Variants in THSD1 observed in about 807,000 individuals in gnomAD.
The protein encoded by THSD1 is thrombospondin type-1 domain-containing protein 1.
THSD1 carries 34 observed loss-of-function variants against 46.3 expected under a neutral mutation model. The ratio of observed to expected loss-of-function variants is 0.74; its 90% CI spans 0.56 to 0.98. THSD1 has a LOEUF of 0.98. THSD1 is among the 50% of genes least tolerant of loss of function. The probability of loss-of-function intolerance (pLI) is 0.00; values close to 1 mark genes in which losing one functional copy is unlikely to be tolerated. For synonymous variants in THSD1, 407 were observed against 416.5 expected, an observed-to-expected ratio of 0.98 and a Z score of 0.28; for missense variants, 1,023 against 1,058.3, an observed-to-expected ratio of 0.97 and a Z score of 0.46.
chr13:52,397,616 C>T lies in THSD1; in HGVS notation c.637G>A (p.Ala213Thr). The change falls in exon 3 of 5, where the codon GCC (alanine) becomes ACC (threonine). Residue 213 changes from alanine (A) to threonine (T), a missense_variant. Ala to Thr is a moderately conservative substitution (Grantham distance 58). Transcript: ENST00000258613. ...AGCTTCAGCACCACGGTGACATAGG[C>T]TTCTGGCCCCAAGGGTGCACAGCCA... Reference protein sequence around the residue: ...EFGCAPLGPEAYVTVVLKLLG... With the variant: ...EFGCAPLGPETYVTVVLKLLG... 6.2e-7 allele frequency: 1 copy of T among 1,614,166 alleles called. No individual in the cohort carries two copies. Among genetic ancestry groups the T allele is most frequent in the Non-Finnish European group, 8.5e-7 (1 of 1,180,000 alleles).
intron 2 of THSD1, among the ~76,000 whole-genome samples, chr13:52,400,617 AAC>A (rs571991890): frequency 7.0e-4 from 107 of 152,180 alleles, no homozygotes; most frequent in African/African-American, 2.5e-3. Context: ...CAAACAAACA[AAC>A]AAACAAAAAA....
rs1477503088 is a variant in THSD1, at chr13:52,378,148, C to A, written c.1822G>T (p.Asp608Tyr). The A allele has an allele frequency of 3.7e-6, 6 of 1,614,170 alleles. No individual in the cohort carries two copies. The highest frequency in any genetic ancestry group is 1.6e-4 in the Middle Eastern group (1 of 6,062). Reference sequence around the variant, plus strand: ...CAACTGGCCTGAGTCACATTTAGATCCAGCCTGGAGGGAGGCCTTTCCCCG... The same window carrying A: ...CAACTGGCCTGAGTCACATTTAGATACAGCCTGGAGGGAGGCCTTTCCCCG... ...SAGERPPSRLDLNVTQASCAI... is the reference protein window; with the variant it reads ...SAGERPPSRLYLNVTQASCAI... Residue 608 changes from aspartate (D) to tyrosine (Y), a missense_variant, in exon 5 of 5, where the codon GAT (aspartate) becomes TAT (tyrosine). Physicochemically the swap from Asp to Tyr is radical, Grantham distance 160 (BLOSUM62 -3). Around this residue, in one of 3 missense-constraint regions of THSD1, gnomAD observed 578 missense variants for 497.4 expected, o/e 1.16. Coordinates refer to ENST00000258613, the MANE Select transcript of THSD1 (RefSeq NM_018676.4).
At position 52,378,310 on chromosome 13, in the gene THSD1, C is replaced by G; in HGVS notation, c.1660G>C (p.Val554Leu). The G allele has an allele frequency of 1.9e-6, 3 of 1,614,216 alleles. No homozygotes were observed. The highest frequency in any genetic ancestry group is 8.5e-7 in the Non-Finnish European group (1 of 1,180,046). ...GLTETTKVYHVSQSPLTDTAI... is the reference protein window; with the variant it reads ...GLTETTKVYHLSQSPLTDTAI... ...GTGTCTGTCAGGGGACTCTGAGACA[C>G]GTGATACACTTTGGTAGTTTCCGTC... is the stretch of plus-strand genomic sequence containing the variant. Residue 554 changes from valine to leucine, a missense_variant, in exon 5 of 5, where the codon GTG (valine) becomes CTG (leucine). Transcript: ENST00000258613.
rs1036381684 is a variant in THSD1 at position 52,388,858 on chromosome 13, G to A, written c.1022-2672C>T. Among the ~76,000 whole-genome samples, 4 of 152,274 alleles carry A rather than the reference G, an allele frequency of 2.6e-5. No homozygotes were observed. In the East Asian group the frequency reaches 7.7e-4, roughly 29 times the overall value. ...AAAGAATGGGAGGAGTGAATTGGGA[G>A]TGTATTGTTCAAAAGTCCTTATACT... On this transcript the variant is annotated intron_variant, in intron 3 of 4. Transcript: ENST00000258613.
intron 3 of THSD1, among the ~76,000 whole-genome samples, chr13:52,388,029 A>G (rs1221022701): frequency 6.6e-6 from 1 of 152,102 alleles, no homozygotes; most frequent in African/African-American, 2.4e-5. Context: ...CCAAACCAAA[A>G]AGTTTGAAGG....
At chr13:52,403,607 G>C (rs1256997397) in intron 1 of THSD1, among the ~76,000 whole-genome samples, 1 of 152,060 alleles carries the variant, frequency 6.6e-6, no homozygotes, top group Admixed American at 6.5e-5. Flanking sequence ...TCAGCCTCCC[G>C]AGTAGCTGGG....
chr13:52,397,269 AG>A lies in THSD1; in HGVS notation c.983del (p.Ser328LeufsTer8), dbSNP rs1459548051. 1 of 1,609,972 alleles carries A rather than the reference AG, an allele frequency of 6.2e-7. No individual in the cohort carries two copies. The highest frequency in any genetic ancestry group is 8.5e-7 in the Non-Finnish European group (1 of 1,178,056). On this transcript the variant is annotated frameshift_variant, in exon 3 of 5. Coordinates refer to ENST00000258613, the MANE Select transcript of THSD1 (RefSeq NM_018676.4). LOFTEE classifies it high-confidence loss of function. ...GAATTAGCATGCACTCCTCCTTTGC[AG>A]AAAAATGGCTTCTGCTTGAAATGCC... Reference protein sequence around the residue: ...DFGISSRSHFSAKEECMLIQR... With the variant: ...DFGISSRSHFXAKEECMLIQR...
intron 3 of THSD1, among the ~76,000 whole-genome samples, chr13:52,394,612 A>AG (rs1206561853): frequency 6.7e-6 from 1 of 149,226 alleles, no homozygotes; most frequent in Non-Finnish European, 1.5e-5. Flanking sequence ...AGACTGTCCC[A>AG]GAAAAAAAAA....
At chr13:52,388,938 T>C (rs1441784848) in intron 3 of THSD1, among the ~76,000 whole-genome samples, 1 of 151,848 alleles carries the variant, frequency 6.6e-6, no homozygotes, top group Non-Finnish European at 1.5e-5. Flanking sequence ...ATATATATTA[T>C]AAACTCTAGG....
At position 52,378,187 on chromosome 13, in the gene THSD1, G is replaced by A. The variant is rs1957654757; in HGVS notation, c.1783C>T (p.Pro595Ser). 6.2e-7 allele frequency: 1 copy of A among 1,614,222 alleles called. No individual in the cohort carries two copies. Among genetic ancestry groups the A allele is most frequent in the Middle Eastern group, 1.6e-4 (1 of 6,062 alleles). ...FRIKSPFPEQ[P>S]AVSAGERPPS... is the part of the protein sequence containing the mutation. Reference sequence around the variant, plus strand: ...GGCCTTTCCCCGGCACTGACCGCGGGCTGCTCCGGAAATGGGGATTTGATC... The same window carrying A: ...GGCCTTTCCCCGGCACTGACCGCGGACTGCTCCGGAAATGGGGATTTGATC... Residue 595 changes from proline to serine, a missense_variant, in exon 5 of 5, where the codon CCC (proline) becomes TCC (serine). Coordinates refer to ENST00000258613, the MANE Select transcript of THSD1 (RefSeq NM_018676.4).
chr13:52,381,311 G>T (rs1012496672), intron 4 of THSD1, among the ~76,000 whole-genome samples: 1 of 152,128 alleles, frequency 6.6e-6, no homozygotes, highest in Non-Finnish European at 1.5e-5. Flanking sequence ...CCTCAGACAC[G>T]TGAATTCCTA....
chr13:52,377,963 G>T lies in THSD1; in HGVS notation c.2007C>A (p.Ser669Arg). The T allele has an allele frequency of 6.2e-7, 1 of 1,614,106 alleles. No individual in the cohort carries two copies. The highest frequency in any genetic ancestry group is 8.5e-7 in the Non-Finnish European group (1 of 1,179,990). The change falls in exon 5 of 5, where the codon AGC becomes AGA. Residue 669 changes from serine to arginine, a missense_variant. Coordinates refer to ENST00000258613, the MANE Select transcript of THSD1 (RefSeq NM_018676.4). ...CCTGCCGTGGAGTCAGAGTGGACATGCTCCTCTCTCGGAACGGCCGGGCCT... is the reference window on the plus strand; with the variant it reads ...CCTGCCGTGGAGTCAGAGTGGACATTCTCCTCTCTCGGAACGGCCGGGCCT... ...ARQARPFRER[S>R]MSTLTPRQAP...
intron 3 of THSD1, among the ~76,000 whole-genome samples, chr13:52,386,822 C>T (rs1266718855): frequency 6.6e-6 from 1 of 152,166 alleles, no homozygotes; most frequent in Admixed American, 6.5e-5. Flanking sequence ...GGGGAAAGGC[C>T]TCAAACCCTA....
At position 52,378,110 on chromosome 13, in the gene THSD1, G is replaced by T; in HGVS notation, c.1860C>A (p.Pro620=). ...GTGACTTGCGGATCAGAGTCTGGCT[G>T]GGGCTTATGGCACAACTGGCCTGAG... ...NVTQASCAIS[P]SQTLIRKSQA... Residue 620 remains proline (P), a synonymous_variant, in exon 5 of 5, where the codon CCC becomes CCA. Coordinates refer to ENST00000258613, the MANE Select transcript of THSD1 (RefSeq NM_018676.4). 6.2e-7 allele frequency: 1 copy of T among 1,614,210 alleles called. No individual in the cohort carries two copies. Among genetic ancestry groups the T allele is most frequent in the African/African-American group, 1.3e-5 (1 of 75,060 alleles).
intron 4 of THSD1, among the ~76,000 whole-genome samples, chr13:52,380,279 T>C (rs1355535242): frequency 6.6e-6 from 1 of 152,012 alleles, no homozygotes; most frequent in African/African-American, 2.4e-5. Context: ...TGGCTTTTTT[T>C]CCCATGTTTG....
chr13:52,395,077 G>A (rs1957801794), intron 3 of THSD1, among the ~76,000 whole-genome samples: 1 of 152,210 alleles, frequency 6.6e-6, no homozygotes, highest in Admixed American at 6.5e-5. Flanking sequence ...CTGCAGGGAT[G>A]TGGGGGCAGC....
At chr13:52,388,712 C>A (rs998759254) in intron 3 of THSD1, among the ~76,000 whole-genome samples, 6 of 152,158 alleles carry the variant, frequency 3.9e-5, no homozygotes, top group African/African-American at 1.2e-4. Context: ...AACTCCCAAC[C>A]TCAGGTGATC....
rs79729855 is a variant in THSD1 at position 52,392,497 on chromosome 13, C to T, written c.1021+4735G>A. ...AATGAAGAGCAAAATGACCAATACTCCAAATAGTCCTACTTCACGAATGAA... is the reference window on the plus strand; with the variant it reads ...AATGAAGAGCAAAATGACCAATACTTCAAATAGTCCTACTTCACGAATGAA... On this transcript the variant is annotated intron_variant, in intron 3 of 4. Transcript: ENST00000258613. Among the ~76,000 whole-genome samples, 680 of 152,312 alleles carry T rather than the reference C, an allele frequency of 4.5e-3. 8 individuals carry two copies. Among genetic ancestry groups the T allele is most frequent in the African/African-American group, 0.016 (647 of 41,572 alleles).
intron 3 of THSD1, among the ~76,000 whole-genome samples, 175 bp downstream of exon 3, chr13:52,397,057 T>G (rs1238542863): frequency 6.6e-6 from 1 of 152,164 alleles, no homozygotes; most frequent in African/African-American, 2.4e-5. Flanking sequence ...AGAGGTTAAG[T>G]AGGTTTACCA....
Sources: allele counts gnomAD v4.1 joint callset (sites outside exome capture counted in the v4.1 genomes callset), GRCh38; gene constraint gnomAD v4.1.1; regional missense constraint gnomAD v4.1.1; transcripts MANE v1.5; gene names NCBI Gene and HGNC (gene_info 2026-07-23, HGNC 2026-07-21).